FBXL2: variants seen among roughly 807,000 people sequenced by gnomAD.
FBXL2 encodes the protein F-box/LRR-repeat protein 2.
Under a neutral mutation model 69.2 loss-of-function variants are expected in FBXL2, and 38 were observed. The observed-to-expected ratio is 0.55, with a 90% CI of 0.42 to 0.72. FBXL2 has a LOEUF of 0.72. Among genes scored for constraint, FBXL2 ranks in the 30% least tolerant of loss-of-function variants. The probability of loss-of-function intolerance (pLI) is 0.00; values close to 1 mark genes in which losing one functional copy is unlikely to be tolerated. For synonymous variants in FBXL2, 192 were observed against 201.3 expected (o/e 0.95, Z 0.39); for missense variants, 354 against 520.3 (o/e 0.68, Z 3.11).
the FBXL2 span, among the ~76,000 whole-genome samples, chr3:33,412,328 G>A: frequency 0.014 from 2,109 of 151,464 alleles, 21 homozygotes; most frequent in South Asian, 0.026. Flanking sequence ...TTTATAATAC[G>A]AGGATGGGAA....
downstream of FBXL2, chr3:33,391,403 C>A (rs769999983): frequency 6.6e-6 from 1 of 152,172 alleles, no homozygotes; most frequent in African/African-American, 2.4e-5. Context: ...GGTCCTGGCT[C>A]TTTTCATATT....
intron 2 of FBXL2, among the ~76,000 whole-genome samples, chr3:33,350,994 G>C (rs2040791418): frequency 6.6e-6 from 1 of 152,286 alleles, no homozygotes; most frequent in South Asian, 2.1e-4. Flanking sequence ...GGCCGGGCGT[G>C]GTAGCTCACG....
At chr3:33,365,546 C>T (rs998512461) in intron 5 of FBXL2, among the ~76,000 whole-genome samples, 3 of 152,092 alleles carry the variant, frequency 2.0e-5, no homozygotes, top group Non-Finnish European at 2.9e-5. Flanking sequence ...GCTGGGATTA[C>T]AGGTGTGAGC....
chr3:33,415,415 G>A, the FBXL2 span, among the ~76,000 whole-genome samples: 3 of 151,942 alleles, frequency 2.0e-5, no homozygotes, highest in South Asian at 2.1e-4. Context: ...TCTATAATCC[G>A]GCATACACAA....
In FBXL2 at chr3:33,349,690, A is replaced by G. The variant is rs570484734; in HGVS notation, c.66-9277A>G. On this transcript the variant is annotated intron_variant, in intron 2 of 14. Transcript: ENST00000484457. Reference sequence around the variant, plus strand: ...TGGGATTGGTATTAATTTTTCTTCAAATGTTTGGCAGAATTCAGCAGTGAA... The same window carrying G: ...TGGGATTGGTATTAATTTTTCTTCAGATGTTTGGCAGAATTCAGCAGTGAA... Among the ~76,000 whole-genome samples, 10 of 152,184 alleles carry G rather than the reference A, an allele frequency of 6.6e-5. No homozygotes were observed. The South Asian group carries it at 1.2e-3, about 19-fold the overall frequency.
chr3:33,294,075 GA>G (rs2035511897), intron 1 of FBXL2, among the ~76,000 whole-genome samples: 1 of 152,154 alleles, frequency 6.6e-6, no homozygotes. Flanking sequence ...AGGAAAACTG[GA>G]AAATTCACAA....
At chr3:33,397,000 A>G (rs769505183) in intron 12 of FBXL2, 2 of 1,553,266 alleles carry the variant, frequency 1.3e-6, no homozygotes, top group Non-Finnish European at 1.8e-6. Context: ...CCACGCGAAG[A>G]AAGGTACATT....
At chr3:33,293,951 C>T (rs1445160795) in intron 1 of FBXL2, among the ~76,000 whole-genome samples, 2 of 152,078 alleles carry the variant, frequency 1.3e-5, no homozygotes, top group Non-Finnish European at 2.9e-5. Context: ...GAACATTCTT[C>T]AGGACAGACA....
At chr3:33,307,747 A>C (rs1372270243) in intron 2 of FBXL2, among the ~76,000 whole-genome samples, 2 of 152,108 alleles carry the variant, frequency 1.3e-5, no homozygotes, top group African/African-American at 4.8e-5. Context: ...ATGCAGTATA[A>C]TTTAGCTTTG....
intron 1 of FBXL2, 47 bp from the exon 2 acceptor site, chr3:33,297,617 T>A (rs2035859722): frequency 1.7e-6 from 2 of 1,210,840 alleles, no homozygotes; most frequent in East Asian, 4.7e-5. Context: ...TTTTTCCACA[T>A]TGATTAAAGA....
At position 33,386,340 on chromosome 3, in the gene FBXL2, C is replaced by T. The variant is rs2043428540; in HGVS notation, c.*732C>T. Reference sequence around the variant, plus strand: ...CTCTGGTGTATGCTACAGCACATAACACATTTTTACTAAAGGAAAAAAGCT... The same window carrying T: ...CTCTGGTGTATGCTACAGCACATAATACATTTTTACTAAAGGAAAAAAGCT... On this transcript the variant is annotated 3_prime_UTR_variant, in exon 15 of 15. Coordinates refer to ENST00000484457, the MANE Select transcript of FBXL2 (RefSeq NM_012157.5). 6.6e-6 allele frequency: 1 copy of T among 152,398 alleles called. No homozygotes were observed. Among genetic ancestry groups the T allele is most frequent in the African/African-American group, 2.4e-5 (1 of 41,426 alleles). The allele number at this position is 152,398 out of a possible 1,614,324, so 9.4% of individuals were successfully genotyped here. A position where few individuals can be genotyped will look rare whatever the true frequency, so the allele number is the denominator to read the frequency against.
intron 1 of FBXL2, among the ~76,000 whole-genome samples, chr3:33,292,817 G>C (rs2035369891): frequency 6.6e-6 from 1 of 151,742 alleles, no homozygotes; most frequent in Non-Finnish European, 1.5e-5. Flanking sequence ...TCAAAAGACA[G>C]GTTAAAAGTG....
chr3:33,308,141 G>C (rs1371208236), intron 2 of FBXL2, among the ~76,000 whole-genome samples: 2 of 152,108 alleles, frequency 1.3e-5, no homozygotes, highest in African/African-American at 4.8e-5. Context: ...CTCCTCAGTA[G>C]CTGGAACCAC....
At chr3:33,277,541 A>G (rs1395727629) in intron 1 of FBXL2, 26 bp downstream of exon 1, 1 of 1,284,698 alleles carries the variant, frequency 7.8e-7, no homozygotes, top group Non-Finnish European at 9.9e-7. Context: ...GCGTCTGCCT[A>G]GCTGCCCCGC....
At chr3:33,286,002 G>C (rs976383215) in intron 1 of FBXL2, among the ~76,000 whole-genome samples, 2 of 152,170 alleles carry the variant, frequency 1.3e-5, no homozygotes, top group African/African-American at 4.8e-5. Context: ...TTAGCTTGGA[G>C]AAGTTTGTTA....
chr3:33,376,918 T>A (rs2042677758), intron 10 of FBXL2, among the ~76,000 whole-genome samples: 1 of 152,122 alleles, frequency 6.6e-6, no homozygotes. Context: ...GGAGAATCAT[T>A]TGAACCTGGG....
chr3:33,306,086 C>T (rs59211002), intron 2 of FBXL2, among the ~76,000 whole-genome samples: 15,184 of 151,912 alleles, frequency 0.1, 795 homozygotes, highest in African/African-American at 0.12. Flanking sequence ...TTTTCTTTAG[C>T]TGCCTTCATA....
At chr3:33,308,447 CTA>C (rs2036908453) in intron 2 of FBXL2, among the ~76,000 whole-genome samples, 1 of 152,132 alleles carries the variant, frequency 6.6e-6, no homozygotes, top group African/African-American at 2.4e-5. Context: ...CAATTTAGGA[CTA>C]CAGGTATCAC....
rs1206298483 is a variant in FBXL2 at position 33,303,281 on chromosome 3, C to T, written c.65+5556C>T. 5 of 428,570 alleles carry T rather than the reference C, an allele frequency of 1.2e-5. No homozygotes were observed. The East Asian group carries it at 3.5e-4, about 30-fold the overall frequency. The allele number at this position is 428,570 out of a possible 1,614,324, so 26.5% of individuals were successfully genotyped here. On this transcript the variant is annotated intron_variant, in intron 2 of 14. Coordinates refer to ENST00000484457, the MANE Select transcript of FBXL2 (RefSeq NM_012157.5). ...GCTCGCTCTCGTGGTTGTTTTTTGA[C>T]TTGTGTGTGGCAGTGTGGGACTGAA...
Sources: gnomAD v4.1 joint callset for allele counts (sites outside exome capture counted in the v4.1 genomes callset) on GRCh38, gnomAD v4.1.1 for gene constraint, MANE v1.5 for transcripts, NCBI Gene and HGNC (gene_info 2026-07-23, HGNC 2026-07-21) for gene names.